The following PPIL4 variants were observed in gnomAD, a reference collection of about 807,000 sequenced individuals.
PPIL4 encodes peptidyl-prolyl cis-trans isomerase-like 4.
In PPIL4, 50 loss-of-function variants were observed where a neutral mutation model predicts 69.1. That is an observed-to-expected ratio of 0.72 (90% CI 0.58 to 0.92). The LOEUF (loss-of-function observed/expected upper bound fraction) is 0.92. Among genes scored for constraint, PPIL4 ranks in the 40% least tolerant of loss-of-function variants. The probability of loss-of-function intolerance (pLI) is 0.00; values close to 1 mark genes in which losing one functional copy is unlikely to be tolerated. For synonymous variants in PPIL4, 193 were observed against 191.6 expected, an observed-to-expected ratio of 1.01 and a Z score of -0.06; for missense variants, 480 against 587.9, an observed-to-expected ratio of 0.82 and a Z score of 1.90.
intron 11 of PPIL4, among the ~76,000 whole-genome samples, chr6:149,513,133 C>A (rs1253152753): frequency 4.0e-5 from 6 of 148,334 alleles, no homozygotes; most frequent in African/African-American, 1.5e-4. Context: ...CACCTGTAAT[C>A]CCAGCACTTT....
rs924307369 is a variant in PPIL4, at chr6:149,534,619, T to C, written c.561+59A>G. ...AATTAACTTTAACAGATGAAAAAGA[T>C]AAATCCATACAAATCATTAATATGA... On this transcript the variant is annotated intron_variant, in intron 6 of 12. Coordinates refer to ENST00000253329, the MANE Select transcript of PPIL4 (RefSeq NM_139126.4). The C allele has an allele frequency of 5.6e-5, 49 of 878,602 alleles. No homozygotes were observed. In the African/African-American group the frequency reaches 6.8e-4, roughly 12 times the overall value. The allele number at this position is 878,602 out of a possible 1,614,324, so 54.4% of individuals were successfully genotyped here.
intron 12 of PPIL4, among the ~76,000 whole-genome samples, chr6:149,506,477 A>T (rs1661679659): frequency 6.6e-6 from 1 of 152,224 alleles, no homozygotes; most frequent in South Asian, 2.1e-4. Context: ...CATCTCGAAA[A>T]AAGAAAATGG....
chr6:149,542,008 T>C (rs9322185), intron 1 of PPIL4, among the ~76,000 whole-genome samples: 58,360 of 151,716 alleles, frequency 0.38, 16,085 homozygotes, highest in East Asian at 0.78. Flanking sequence ...AGCAAGACTC[T>C]ATCTCAAAAT....
chr6:149,527,264 AGTAGAATC>A (rs1286694107), intron 7 of PPIL4, among the ~76,000 whole-genome samples: 1 of 152,212 alleles, frequency 6.6e-6, no homozygotes, highest in Non-Finnish European at 1.5e-5. Flanking sequence ...ACACTGAGGC[AGTAGAATC>A]GCTTGAACCC....
At chr6:149,542,730 G>A (rs887394674) in intron 1 of PPIL4, among the ~76,000 whole-genome samples, 4 of 152,216 alleles carry the variant, frequency 2.6e-5, no homozygotes, top group African/African-American at 9.6e-5. Context: ...CTCAGGGAAG[G>A]TTAAGGCAAG....
intron 11 of PPIL4, among the ~76,000 whole-genome samples, chr6:149,513,713 A>C (rs1201522167): frequency 6.6e-6 from 1 of 152,082 alleles, no homozygotes; most frequent in Non-Finnish European, 1.5e-5. Context: ...AAGGAGAAAT[A>C]AAAAGTATCA....
chr6:149,517,302 C>T, intron 11 of PPIL4, 52 bp downstream of exon 11: 1 of 973,110 alleles, frequency 1.0e-6, no homozygotes, highest in Non-Finnish European at 1.7e-6. Flanking sequence ...CAGTACTCTA[C>T]ACATAGCAGA....
chr6:149,512,179 G>A lies in PPIL4; in HGVS notation c.1203C>T (p.Tyr401=). The change falls in exon 12 of 13, where the codon TAC becomes TAT. Residue 401 remains tyrosine (Y), a synonymous_variant. Transcript: ENST00000253329. ...HCSEEKEDED[Y]MPIKNTNQDI... ...CCTGATTAGTATTTTTGATTGGCATGTAGTCCTCATCTTCTTTCTCTTCAG... is the reference window on the plus strand; with the variant it reads ...CCTGATTAGTATTTTTGATTGGCATATAGTCCTCATCTTCTTTCTCTTCAG... 6.2e-7 allele frequency: 1 copy of A among 1,611,860 alleles called. No individual in the cohort carries two copies. Among genetic ancestry groups the A allele is most frequent in the Non-Finnish European group, 8.5e-7 (1 of 1,178,980 alleles).
intron 1 of PPIL4, among the ~76,000 whole-genome samples, chr6:149,542,057 GA>G (rs955467230): frequency 1.4e-4 from 21 of 151,216 alleles, no homozygotes; most frequent in Admixed American, 1.3e-3. Flanking sequence ...AATAAGTCTA[GA>G]AAAAAAACAT....
intron 12 of PPIL4, among the ~76,000 whole-genome samples, chr6:149,510,741 T>A (rs1776830421): frequency 6.6e-6 from 1 of 151,444 alleles, no homozygotes; most frequent in Non-Finnish European, 1.5e-5. Flanking sequence ...AAACTCCGTC[T>A]CAAAAAAAAG....
At chr6:149,518,243 G>A (rs1280448223) in intron 10 of PPIL4, among the ~76,000 whole-genome samples, 1 of 152,170 alleles carries the variant, frequency 6.6e-6, no homozygotes, top group African/African-American at 2.4e-5. Context: ...GGGCTAGAAA[G>A]GAAGAGCATT....
At chr6:149,525,503 C>T (rs1777093137) in intron 8 of PPIL4, among the ~76,000 whole-genome samples, 1 of 152,116 alleles carries the variant, frequency 6.6e-6, no homozygotes, top group African/African-American at 2.4e-5. Flanking sequence ...CAAAAGTAAA[C>T]TACTGCTAAA....
At chr6:149,537,845 A>T (rs965183390) in intron 4 of PPIL4, among the ~76,000 whole-genome samples, 10 of 152,234 alleles carry the variant, frequency 6.6e-5, no homozygotes, top group African/African-American at 2.4e-4. Flanking sequence ...GCCGCTCAGA[A>T]CAAAGATCCT....
Position 149,512,190 on chromosome 6 carries a change from C to A in PPIL4, c.1192G>T (p.Asp398Tyr), listed in dbSNP as rs1776855060. ...KTHHCSEEKE[D>Y]EDYMPIKNTN... Reference sequence around the variant, plus strand: ...TTTTTGATTGGCATGTAGTCCTCATCTTCTTTCTCTTCAGAACAGTGATGG... The same window carrying A: ...TTTTTGATTGGCATGTAGTCCTCATATTCTTTCTCTTCAGAACAGTGATGG... Residue 398 changes from aspartate to tyrosine, a missense_variant, in exon 12 of 13, where the codon GAT (aspartate) becomes TAT (tyrosine). Transcript: ENST00000253329. The A allele has an allele frequency of 6.2e-7, 1 of 1,612,956 alleles. No homozygotes were observed. The highest frequency in any genetic ancestry group is 8.5e-7 in the Non-Finnish European group (1 of 1,179,434).
intron 9 of PPIL4, among the ~76,000 whole-genome samples, chr6:149,522,008 TA>T (rs1345370725): frequency 6.6e-6 from 1 of 152,234 alleles, no homozygotes; most frequent in African/African-American, 2.4e-5. Flanking sequence ...AAAATAGTTA[TA>T]ATCATATTTA....
At chr6:149,509,611 T>C (rs1270675414) in intron 12 of PPIL4, among the ~76,000 whole-genome samples, 2 of 152,338 alleles carry the variant, frequency 1.3e-5, no homozygotes, top group East Asian at 3.8e-4. Flanking sequence ...AAGGAGGAGA[T>C]GTGTTCCTAT....
intron 6 of PPIL4, 40 bp downstream of exon 6, chr6:149,534,638 A>T: frequency 1.0e-6 from 1 of 994,078 alleles, no homozygotes. Context: ...ACAAATCATT[A>T]ATATGAATGT....
chr6:149,514,985 C>T (rs917366473), intron 11 of PPIL4, among the ~76,000 whole-genome samples: 10 of 151,664 alleles, frequency 6.6e-5, no homozygotes, highest in Non-Finnish European at 1.0e-4. Context: ...TACAGGCATC[C>T]GCCACCACGC....
intron 12 of PPIL4, among the ~76,000 whole-genome samples, chr6:149,508,504 TC>T (rs1348537551): frequency 1.3e-5 from 2 of 151,848 alleles, no homozygotes; most frequent in Non-Finnish European, 2.9e-5. Flanking sequence ...AAATAAGCAA[TC>T]AAAAAAAGTC....
Sources: allele counts gnomAD v4.1 joint callset (sites outside exome capture counted in the v4.1 genomes callset), GRCh38; gene constraint gnomAD v4.1.1; transcripts MANE v1.5; gene names NCBI Gene and HGNC (gene_info 2026-07-23, HGNC 2026-07-21).